Variants in CEP295 observed in about 807,000 individuals in gnomAD.
CEP295 encodes centrosomal protein 295.
In CEP295, 190 loss-of-function variants were observed where a neutral mutation model predicts 291.6. The observed-to-expected ratio is 0.65, with a 90% CI of 0.58 to 0.73. The LOEUF (loss-of-function observed/expected upper bound fraction) is 0.73. Ranked by LOEUF, CEP295 falls within the 30% of genes least tolerant of loss-of-function variation. CEP295 has a pLI of 0.00. For synonymous variants in CEP295, 993 were observed against 1,038.8 expected (o/e 0.96, Z 0.85); for missense variants, 2,863 against 2,949.4 (o/e 0.97, Z 0.68).
At chr11:93,666,559 C>G (rs1028991843) in intron 1 of CEP295, 123 bp from the exon 2 acceptor site, 6 of 508,522 alleles carry the variant, frequency 1.2e-5, no homozygotes, top group African/African-American at 9.5e-5. Context: ...GCACCACTGC[C>G]CTCCAGCCTG....
intron 9 of CEP295, among the ~76,000 whole-genome samples, chr11:93,685,803 C>T (rs192621163): frequency 2.1e-4 from 32 of 152,228 alleles, no homozygotes; most frequent in Admixed American, 7.2e-4. Flanking sequence ...CTCCACCTCC[C>T]GGGTTCAAGT....
chr11:93,701,583 TTTTTTTGTTTG>T (rs1304830620), intron 15 of CEP295, among the ~76,000 whole-genome samples: 4 of 152,074 alleles, frequency 2.6e-5, no homozygotes, highest in South Asian at 2.1e-4. Flanking sequence ...AGGCTAAGTT[TTTTTTTGTTTG>T]TTTTTTGTTT....
At position 93,691,714 on chromosome 11, in the gene CEP295, T is replaced by C; in HGVS notation, c.1368T>C (p.Ser456=). 1 of 1,546,738 alleles carries C rather than the reference T, an allele frequency of 6.5e-7. No individual in the cohort carries two copies. The highest frequency in any genetic ancestry group is 8.7e-7 in the Non-Finnish European group (1 of 1,144,624). The part of the protein sequence containing the change: ...VVESDTLTIE[S]GPLASEDKPL... ...AAAGTGATACACTAACAATTGAGTC[T>C]GGACCACTTGCTAGTGAAGATAAAC... is the stretch of plus-strand genomic sequence containing the variant. The change falls in exon 11 of 30, where the codon TCT becomes TCC. Residue 456 remains serine (S), a synonymous_variant. Coordinates refer to ENST00000325212, the MANE Select transcript of CEP295 (RefSeq NM_033395.2).
Position 93,683,725 on chromosome 11 carries a change from T to A in CEP295, c.932T>A (p.Met311Lys). ...QRELEFAFED[M>K]YNADRKVKGN... is the part of the protein sequence containing the mutation. ...GAATTGGAATTTGCCTTTGAAGATA[T>A]GTACAATGCAGACAGGAGTAAGATA... Residue 311 changes from methionine to lysine, a missense_variant, in exon 8 of 30, where the codon ATG becomes AAG. By Grantham distance (95) the Met-to-Lys change is moderately conservative. This residue lies in a region of CEP295 where 554 missense variants were observed against 576.0 expected (regional missense o/e 0.96). Transcript: ENST00000325212. The A allele has an allele frequency of 1.3e-6, 2 of 1,542,430 alleles. No individual in the cohort carries two copies. The highest frequency in any genetic ancestry group is 1.7e-6 in the Non-Finnish European group (2 of 1,144,940).
chr11:93,668,761 CTAT>C (rs748518735), intron 3 of CEP295, 44 bp from the exon 4 acceptor site: 130 of 1,323,642 alleles, frequency 9.8e-5, no homozygotes, highest in Non-Finnish European at 1.2e-4. Context: ...AGACACATTT[CTAT>C]TATTCTTGTT....
intron 2 of CEP295, 102 bp downstream of exon 2, chr11:93,666,917 C>G (rs1360608447): frequency 1.5e-6 from 1 of 666,000 alleles, no homozygotes; most frequent in Non-Finnish European, 2.5e-6. Flanking sequence ...AAAACCTCTT[C>G]TGGGTATACG....
intron 18 of CEP295, among the ~76,000 whole-genome samples, chr11:93,710,504 A>C (rs1162262029): frequency 1.3e-5 from 2 of 152,222 alleles, no homozygotes; most frequent in East Asian, 3.9e-4. Flanking sequence ...TGATCTTTTT[A>C]ATGTGTTGTT....
At chr11:93,710,915 C>T (rs979483455) in intron 18 of CEP295, among the ~76,000 whole-genome samples, 3 of 152,116 alleles carry the variant, frequency 2.0e-5, no homozygotes, top group African/African-American at 7.2e-5. Flanking sequence ...TAATAGTAGT[C>T]TCTAACGATC....
chr11:93,710,322 G>A (rs1952813824), intron 18 of CEP295, among the ~76,000 whole-genome samples: 1 of 152,114 alleles, frequency 6.6e-6, no homozygotes, highest in South Asian at 2.1e-4. Flanking sequence ...GTTTTTTAAG[G>A]TTTTTATCAT....
At chr11:93,692,522 C>T (rs1161613465) in intron 12 of CEP295, among the ~76,000 whole-genome samples, 2 of 152,128 alleles carry the variant, frequency 1.3e-5, no homozygotes, top group African/African-American at 4.8e-5. Context: ...AGTACAGTGA[C>T]ACGATCATCG....
intron 12 of CEP295, among the ~76,000 whole-genome samples, chr11:93,692,972 CA>C (rs780110779): frequency 0.018 from 1,374 of 77,808 alleles, 17 homozygotes; most frequent in East Asian, 0.069. Flanking sequence ...GACTCTATCT[CA>C]AAAAAAAAAA....
At chr11:93,706,930 A>G (rs1340917085) in intron 18 of CEP295, 33 bp downstream of exon 18, 2 of 1,485,032 alleles carry the variant, frequency 1.3e-6, no homozygotes, top group East Asian at 5.0e-5. Flanking sequence ...AATTGTATGC[A>G]CAAGGATATG....
At position 93,696,742 on chromosome 11, in the gene CEP295, A is replaced by T. The variant is rs1430288262; in HGVS notation, c.1830A>T (p.Leu610Phe). The T allele has an allele frequency of 1.3e-6, 2 of 1,551,326 alleles. No individual in the cohort carries two copies. Among genetic ancestry groups the T allele is most frequent in the Non-Finnish European group, 1.7e-6 (2 of 1,146,590 alleles). Residue 610 changes from leucine (L) to phenylalanine (F), a missense_variant, in exon 15 of 30, where the codon TTA becomes TTT. Leu to Phe is a conservative substitution (Grantham distance 22). This residue lies in a region of CEP295 where 2,295 missense variants were observed against 2,335.7 expected (regional missense o/e 0.98). Coordinates refer to ENST00000325212, the MANE Select transcript of CEP295 (RefSeq NM_033395.2). The part of the protein sequence containing the change: ...RKQLLEYQTM[L>F]KGRCPSVSAP... Reference sequence around the variant, plus strand: ...AATTACTTGAATATCAAACTATGTTAAAAGGAAGGTGCCCATCGGTGTCAG... The same window carrying T: ...AATTACTTGAATATCAAACTATGTTTAAAGGAAGGTGCCCATCGGTGTCAG...
chr11:93,715,603 A>T (rs1565207793), intron 18 of CEP295, among the ~76,000 whole-genome samples: 1 of 151,998 alleles, frequency 6.6e-6, no homozygotes, highest in Non-Finnish European at 1.5e-5. Context: ...TGGGTCACAC[A>T]TGAAGCCATC....
chr11:93,683,650 T>G lies in CEP295; in HGVS notation c.857T>G (p.Leu286Arg). Residue 286 changes from leucine to arginine, a missense_variant, in exon 8 of 30, where the codon CTA (leucine) becomes CGA (arginine). Transcript: ENST00000325212. Reference protein sequence around the residue: ...RQTVAQMPPQLVELPYKRSEM... With the variant: ...RQTVAQMPPQRVELPYKRSEM... ...ACTGTAGCACAAATGCCACCACAAC[T>G]AGTTGAACTTCCATACAAACGCAGT... The G allele has an allele frequency of 6.5e-7, 1 of 1,549,978 alleles. No homozygotes were observed. Among genetic ancestry groups the G allele is most frequent in the South Asian group, 1.2e-5 (1 of 83,482 alleles).
At chr11:93,704,437 C>T (rs1215717372) in intron 17 of CEP295, among the ~76,000 whole-genome samples, 3 of 152,024 alleles carry the variant, frequency 2.0e-5, no homozygotes, top group Non-Finnish European at 2.9e-5. Context: ...AGGGAAACCC[C>T]CTCTGGTGGC....
chr11:93,715,489 C>G (rs952310098), intron 18 of CEP295, among the ~76,000 whole-genome samples: 1 of 152,086 alleles, frequency 6.6e-6, no homozygotes, highest in Admixed American at 6.5e-5. Flanking sequence ...CCACTGTGGC[C>G]AAGCTGGTAC....
At chr11:93,692,482 G>A (rs147552721) in intron 12 of CEP295, among the ~76,000 whole-genome samples, 214 of 152,110 alleles carry the variant, frequency 1.4e-3, no homozygotes, top group African/African-American at 4.9e-3. Context: ...AATATACAGC[G>A]CCCTTTTTTT....
chr11:93,668,911 T>C lies in CEP295; in HGVS notation c.413T>C (p.Ile138Thr). 1 of 1,247,562 alleles carries C rather than the reference T, an allele frequency of 8.0e-7. No homozygotes were observed. Among genetic ancestry groups the C allele is most frequent in the East Asian group, 2.5e-5 (1 of 39,260 alleles). The allele number at this position is 1,247,562 out of a possible 1,614,324, so 77.3% of individuals were successfully genotyped here. A position where few individuals can be genotyped will look rare whatever the true frequency, so the allele number is the denominator to read the frequency against. The change falls in exon 4 of 30, where the codon ATA (isoleucine) becomes ACA (threonine). Residue 138 changes from isoleucine (I) to threonine (T), a missense_variant. Physicochemically the swap from Ile to Thr is moderately conservative, Grantham distance 89. Coordinates refer to ENST00000325212, the MANE Select transcript of CEP295 (RefSeq NM_033395.2). ...AAAGTACAGAAAAATCAAAAAGAAA[T>C]ATTACTGAAACAAAAAACCTGGTAA... ...ALKVQKNQKE[I>T]LLKQKTWHIK...
Sources: allele counts gnomAD v4.1 joint callset (sites outside exome capture counted in the v4.1 genomes callset), GRCh38; gene constraint gnomAD v4.1.1; regional missense constraint gnomAD v4.1.1; transcripts MANE v1.5; gene names NCBI Gene and HGNC (gene_info 2026-07-23, HGNC 2026-07-21).